The following FRMD4B variants were observed in gnomAD, a reference collection of about 807,000 sequenced individuals.
FRMD4B encodes FERM domain-containing protein 4B.
FRMD4B carries 74 observed loss-of-function variants against 141.5 expected under a neutral mutation model. That is an observed-to-expected ratio of 0.52 (90% CI 0.43 to 0.63). The LOEUF is 0.63. Ranked by LOEUF, FRMD4B falls within the 30% of genes least tolerant of loss-of-function variation. The probability of loss-of-function intolerance (pLI) is 0.00; values close to 1 mark genes in which losing one functional copy is unlikely to be tolerated. For missense variants in FRMD4B, 1,366 were observed against 1,253.4 expected, an observed-to-expected ratio of 1.09 and a Z score of -1.36; for synonymous variants, 506 against 467.9, an observed-to-expected ratio of 1.08 and a Z score of -1.05.
At chr3:69,307,277 G>C (rs1173077796) in intron 3 of FRMD4B, among the ~76,000 whole-genome samples, 3 of 152,142 alleles carry the variant, frequency 2.0e-5, no homozygotes, top group Admixed American at 6.5e-5. Context: ...GCGTAGTTTT[G>C]AGAAAGAAAT....
At chr3:69,432,533 T>A (rs559198409) in intron 2 of FRMD4B, 34 of 152,332 alleles carry the variant, frequency 2.2e-4, no homozygotes, top group African/African-American at 7.0e-4. Flanking sequence ...AAGCCCCGCT[T>A]GACAAGTCAA....
At chr3:69,440,499 C>T (rs1409357229) in intron 1 of FRMD4B, among the ~76,000 whole-genome samples, 1 of 152,212 alleles carries the variant, frequency 6.6e-6, no homozygotes, top group Non-Finnish European at 1.5e-5. Context: ...TTTCACAAAA[C>T]TCCCTTATTA....
intron 1 of FRMD4B, among the ~76,000 whole-genome samples, chr3:69,343,895 T>C (rs570470917): frequency 3.3e-5 from 5 of 152,254 alleles, no homozygotes; most frequent in African/African-American, 9.6e-5. Flanking sequence ...TAACAGTTTC[T>C]ATACTCCCCA....
chr3:69,480,555 C>T (rs1010708656), intron 1 of FRMD4B, among the ~76,000 whole-genome samples: 17 of 152,132 alleles, frequency 1.1e-4, no homozygotes, highest in African/African-American at 2.9e-4. Context: ...GCTGTCTGAT[C>T]GTTCCTCTGG....
intron 5 of FRMD4B, among the ~76,000 whole-genome samples, chr3:69,265,116 G>T (rs1575671645): frequency 6.6e-6 from 1 of 150,390 alleles, no homozygotes; most frequent in Non-Finnish European, 1.5e-5. Flanking sequence ...TTAGCCGGGG[G>T]CAGTGGTGGG....
intron 1 of FRMD4B, among the ~76,000 whole-genome samples, chr3:69,439,461 G>A (rs1489953410): frequency 6.6e-6 from 1 of 152,158 alleles, no homozygotes; most frequent in Admixed American, 6.5e-5. Flanking sequence ...AATCCTCCAA[G>A]GTATTATTTG....
chr3:69,376,779 T>G (rs1487704777), intron 1 of FRMD4B: 2 of 152,210 alleles, frequency 1.3e-5, no homozygotes, highest in Non-Finnish European at 2.9e-5. Flanking sequence ...TTCCATGTTG[T>G]AAGTCATATG....
intron 1 of FRMD4B, among the ~76,000 whole-genome samples, chr3:69,372,623 C>T (rs1336220896): frequency 6.6e-6 from 1 of 152,176 alleles, no homozygotes; most frequent in Non-Finnish European, 1.5e-5. Context: ...TGAGATCATG[C>T]CACTGCTCTC....
At chr3:69,270,325 C>T (rs2093588180) in intron 5 of FRMD4B, among the ~76,000 whole-genome samples, 1 of 152,238 alleles carries the variant, frequency 6.6e-6, no homozygotes, top group African/African-American at 2.4e-5. Flanking sequence ...CTTCAAACCT[C>T]CTCCTTAGGG....
chr3:69,172,674 T>A (rs969102671), intron 22 of FRMD4B, among the ~76,000 whole-genome samples: 1 of 152,172 alleles, frequency 6.6e-6, no homozygotes, highest in African/African-American at 2.4e-5. Context: ...GGGTCAGGCA[T>A]AAATTGGAAG....
intron 1 of FRMD4B, among the ~76,000 whole-genome samples, chr3:69,457,203 C>T (rs1442203996): frequency 6.6e-6 from 1 of 152,118 alleles, no homozygotes; most frequent in South Asian, 2.1e-4. Context: ...AGAAAAATGT[C>T]CACAGCAAGC....
intron 7 of FRMD4B, among the ~76,000 whole-genome samples, chr3:69,235,923 A>C (rs2093342994): frequency 1.3e-5 from 2 of 152,250 alleles, no homozygotes; most frequent in African/African-American, 4.8e-5. Context: ...AAGAGGGGAC[A>C]GGAAATAGGG....
chr3:69,233,821 T>C (rs1455652944), intron 7 of FRMD4B, among the ~76,000 whole-genome samples: 3 of 152,192 alleles, frequency 2.0e-5, no homozygotes, highest in Non-Finnish European at 4.4e-5. Context: ...GCCAGTCTTC[T>C]AGTGTTGCCT....
chr3:69,250,456 C>T (rs1055877207), intron 5 of FRMD4B, among the ~76,000 whole-genome samples: 8 of 152,132 alleles, frequency 5.3e-5, no homozygotes, highest in Non-Finnish European at 1.2e-4. Flanking sequence ...TTTAAGCACT[C>T]TGCAGAATTT....
intron 1 of FRMD4B, among the ~76,000 whole-genome samples, chr3:69,323,622 A>G (rs1313027427): frequency 2.8e-3 from 108 of 39,214 alleles, no homozygotes; most frequent in African/African-American, 7.9e-3. Context: ...ATATATATAT[A>G]TATATATATA....
At chr3:69,177,762 A>C (rs1016312848) in intron 21 of FRMD4B, among the ~76,000 whole-genome samples, 26 of 152,242 alleles carry the variant, frequency 1.7e-4, no homozygotes, top group African/African-American at 6.0e-4. Flanking sequence ...ATGGTGTTAT[A>C]AAGGTAAGGT....
At position 69,291,328 on chromosome 3, in the gene FRMD4B, G is replaced by A. The variant is rs1427861141; in HGVS notation, c.417-3492C>T. Among the ~76,000 whole-genome samples, 3 of 152,220 alleles carry A rather than the reference G, an allele frequency of 2.0e-5. No homozygotes were observed. The East Asian group carries it at 5.8e-4, about 29-fold the overall frequency. Reference sequence around the variant, plus strand: ...TCAATGAATTTTCACACACAACAAAGCTCATAAGAATTTCTTAATATTATT... The same window carrying A: ...TCAATGAATTTTCACACACAACAAAACTCATAAGAATTTCTTAATATTATT... On this transcript the variant is annotated intron_variant, in intron 4 of 22. Transcript: ENST00000398540.
chr3:69,486,538 G>C (rs1438082236), intron 1 of FRMD4B, among the ~76,000 whole-genome samples: 1 of 152,134 alleles, frequency 6.6e-6, no homozygotes, highest in East Asian at 1.9e-4. Flanking sequence ...ATCTCTGCCA[G>C]GTAACTAAGC....
intron 1 of FRMD4B, among the ~76,000 whole-genome samples, chr3:69,498,601 G>A (rs965700650): frequency 6.6e-6 from 1 of 152,194 alleles, no homozygotes; most frequent in Non-Finnish European, 1.5e-5. Flanking sequence ...ATCTTTCTCT[G>A]TTCAGGTACT....
Sources: allele counts gnomAD v4.1 joint callset (sites outside exome capture counted in the v4.1 genomes callset), GRCh38; gene constraint gnomAD v4.1.1; transcripts MANE v1.5; gene names NCBI Gene and HGNC (gene_info 2026-07-23, HGNC 2026-07-21).